EYS: variants seen among roughly 807,000 people sequenced by gnomAD.
EYS encodes the protein EGF-like photoreceptor maintenance factor, also known as protein eyes shut homolog.
A neutral mutation model predicts 282.1 loss-of-function variants in EYS; 250 were observed. The ratio of observed to expected loss-of-function variants is 0.89; its 90% confidence interval spans 0.80 to 0.98. EYS has a LOEUF of 0.98. EYS is among the 50% of genes least tolerant of loss of function. The pLI is 0.00. For synonymous variants in EYS, 1,355 were observed against 1,282.9 expected, an observed-to-expected ratio of 1.06 and a Z score of -1.20; for missense variants, 4,016 against 3,709.0, an observed-to-expected ratio of 1.08 and a Z score of -2.15.
At chr6:64,760,536 T>C (rs1773124480) in intron 22 of EYS, among the ~76,000 whole-genome samples, 2 of 152,130 alleles carry the variant, frequency 1.3e-5, no homozygotes, top group African/African-American at 2.4e-5. Flanking sequence ...CCCAGTCCCC[T>C]TTTCTTCAGG....
Position 65,312,687 on chromosome 6 carries a change from A to G in EYS, c.1767-16568T>C, listed in dbSNP as rs541860577. On this transcript the variant is annotated intron_variant, in intron 11 of 42. Transcript: ENST00000503581. ...TTGCACTTACTTATCTCAGGCCCCC[A>G]ACAACCTGATTCATTTCAGCTATTG... Among the ~76,000 whole-genome samples, 4 of 152,316 alleles carry G rather than the reference A, an allele frequency of 2.6e-5. No homozygotes were observed. In the South Asian group the frequency reaches 6.2e-4, roughly 24 times the overall value.
In EYS at chr6:65,512,061, C is replaced by T. The variant is rs114857555; in HGVS notation, c.-332-16068G>A. 7.7e-3 allele frequency among the ~76,000 whole-genome samples: 1,143 copies of T among 149,092 alleles called. 18 individuals are homozygous for T. Among genetic ancestry groups the T allele is most frequent in the African/African-American group, 0.025 (1,025 of 40,506 alleles). On this transcript the variant is annotated intron_variant, in intron 2 of 42. Coordinates refer to ENST00000503581, the MANE Select transcript of EYS (RefSeq NM_001142800.2). ...ATATGATAAATTGAAATTGAGGATT[C>T]AAAACCCAGTGGCTAACTCTAATAA... is the stretch of plus-strand genomic sequence containing the variant.
intron 5 of EYS, among the ~76,000 whole-genome samples, chr6:65,454,974 C>T (rs1043405315): frequency 1.3e-5 from 2 of 151,884 alleles, no homozygotes; most frequent in African/African-American, 4.8e-5. Flanking sequence ...CTTAGGGTTG[C>T]TTTGGCTATT....
At chr6:64,801,328 TCA>T (rs1436276452) in intron 22 of EYS, among the ~76,000 whole-genome samples, 2 of 152,106 alleles carry the variant, frequency 1.3e-5, no homozygotes, top group African/African-American at 4.8e-5. Flanking sequence ...CACTGATAAC[TCA>T]AATACAGATT....
At chr6:64,203,288 A>G (rs1415417449) in intron 31 of EYS, among the ~76,000 whole-genome samples, 6 of 152,284 alleles carry the variant, frequency 3.9e-5, no homozygotes, top group South Asian at 2.1e-4. Context: ...AAATGAAGCT[A>G]AAGAGTTCCC....
At chr6:65,385,421 G>C (rs1420625975) in intron 7 of EYS, among the ~76,000 whole-genome samples, 1 of 151,824 alleles carries the variant, frequency 6.6e-6, no homozygotes, top group Non-Finnish European at 1.5e-5. Context: ...CCTATAGTTT[G>C]AGGCACACAG....
chr6:63,753,470 AT>A (rs1755542450), intron 41 of EYS, among the ~76,000 whole-genome samples: 1 of 152,132 alleles, frequency 6.6e-6, no homozygotes, highest in Non-Finnish European at 1.5e-5. Context: ...TTTAAAAAAA[AT>A]CTTCTGTATT....
At chr6:65,354,092 G>A (rs1361085999) in intron 8 of EYS, among the ~76,000 whole-genome samples, 1 of 152,074 alleles carries the variant, frequency 6.6e-6, no homozygotes, top group Non-Finnish European at 1.5e-5. Context: ...GTAATCTCCA[G>A]CATCTTCAAA....
intron 31 of EYS, among the ~76,000 whole-genome samples, chr6:64,123,831 G>T (rs1219325316): frequency 1.3e-5 from 2 of 152,120 alleles, no homozygotes; most frequent in Non-Finnish European, 2.9e-5. Flanking sequence ...CCCATTCAAA[G>T]ATTGTGCCTT....
chr6:65,094,816 A>G (rs1184231724), intron 12 of EYS, among the ~76,000 whole-genome samples: 2 of 151,304 alleles, frequency 1.3e-5, no homozygotes, highest in African/African-American at 2.4e-5. Flanking sequence ...AAGAAGCTGG[A>G]AAAGGAATAA....
At chr6:64,820,256 A>G (rs1764860978) in intron 21 of EYS, among the ~76,000 whole-genome samples, 1 of 152,070 alleles carries the variant, frequency 6.6e-6, no homozygotes, top group South Asian at 2.1e-4. Context: ...AAATATTAGG[A>G]AAAAATCTAG....
intron 35 of EYS, among the ~76,000 whole-genome samples, chr6:63,865,758 T>G (rs1376550234): frequency 6.6e-6 from 1 of 152,046 alleles, no homozygotes; most frequent in Non-Finnish European, 1.5e-5. Flanking sequence ...GAAAGAACCA[T>G]TTTTTTCATC....
chr6:65,159,535 C>T (rs1293179801), intron 12 of EYS, among the ~76,000 whole-genome samples: 2 of 150,774 alleles, frequency 1.3e-5, no homozygotes, highest in Admixed American at 1.3e-4. Context: ...TTTGAGCACA[C>T]GTTCAAAATA....
chr6:64,355,234 TG>T (rs1388021657), intron 29 of EYS, among the ~76,000 whole-genome samples: 1 of 151,624 alleles, frequency 6.6e-6, no homozygotes, highest in Non-Finnish European at 1.5e-5. Context: ...CAGAATTTTG[TG>T]TGCAAATTAA....
At chr6:64,764,015 G>C (rs1773245220) in intron 22 of EYS, among the ~76,000 whole-genome samples, 1 of 152,154 alleles carries the variant, frequency 6.6e-6, no homozygotes, top group Non-Finnish European at 1.5e-5. Flanking sequence ...AGCTCCTCCT[G>C]ACTGCTTTCA....
chr6:64,775,597 A>G (rs911583162), intron 22 of EYS, among the ~76,000 whole-genome samples: 5 of 152,046 alleles, frequency 3.3e-5, no homozygotes, highest in South Asian at 2.1e-4. Context: ...TCTGTCATAC[A>G]TGTTCTCCAA....
chr6:63,972,171 A>C (rs1414195634), intron 35 of EYS, among the ~76,000 whole-genome samples: 1 of 152,230 alleles, frequency 6.6e-6, no homozygotes, highest in Admixed American at 6.5e-5. Context: ...AGCAGAGTTG[A>C]ATGGGTTCTT....
chr6:64,624,456 T>C (rs928541432), intron 23 of EYS, among the ~76,000 whole-genome samples: 2 of 152,188 alleles, frequency 1.3e-5, no homozygotes, highest in African/African-American at 4.8e-5. Context: ...TAAAGATATT[T>C]TTTGCTTGAA....
At chr6:65,110,202 C>T (rs931236603) in intron 12 of EYS, among the ~76,000 whole-genome samples, 2 of 152,006 alleles carry the variant, frequency 1.3e-5, no homozygotes, top group African/African-American at 4.8e-5. Context: ...ACAGTAATTG[C>T]AAAATTCTGT....
Sources: allele counts gnomAD v4.1 joint callset (sites outside exome capture counted in the v4.1 genomes callset), GRCh38; gene constraint gnomAD v4.1.1; transcripts MANE v1.5; gene names NCBI Gene and HGNC (gene_info 2026-07-23, HGNC 2026-07-21).